The following COL24A1 variants were observed in gnomAD, a reference collection of about 807,000 sequenced individuals.
COL24A1 encodes the protein collagen type XXIV alpha 1 chain, also known as collagen alpha-1(XXIV) chain.
COL24A1 carries 224 observed loss-of-function variants against 253.9 expected under a neutral mutation model. The observed-to-expected ratio is 0.88, with a 90% CI of 0.79 to 0.99. COL24A1 has a LOEUF of 0.99. Among genes scored for constraint, COL24A1 ranks in the 50% least tolerant of loss-of-function variants. COL24A1 has a pLI of 0.00. For missense variants in COL24A1, 2,131 were observed against 2,068.5 expected, an observed-to-expected ratio of 1.03 and a Z score of -0.59; for synonymous variants, 685 against 673.7, an observed-to-expected ratio of 1.02 and a Z score of -0.26.
intron 22 of COL24A1, among the ~76,000 whole-genome samples, chr1:85,969,369 C>T (rs925532721): frequency 6.6e-6 from 1 of 151,856 alleles, no homozygotes; most frequent in Non-Finnish European, 1.5e-5. Flanking sequence ...CTTTGGGAGG[C>T]CGAGGTGGGT....
At chr1:85,736,289 G>A in intron 58 of COL24A1, 2 of 456,240 alleles carry the variant, frequency 4.4e-6, no homozygotes, top group South Asian at 1.5e-5. Flanking sequence ...CTTGGGTTGA[G>A]TTTATGAATC....
intron 57 of COL24A1, among the ~76,000 whole-genome samples, chr1:85,738,202 A>C (rs138599482): frequency 2.6e-5 from 4 of 152,342 alleles, no homozygotes; most frequent in African/African-American, 9.6e-5. Flanking sequence ...TATTTCTGTT[A>C]TACATCATTA....
chr1:86,080,455 C>T (rs888368597), intron 7 of COL24A1, among the ~76,000 whole-genome samples: 3 of 152,064 alleles, frequency 2.0e-5, no homozygotes, highest in Non-Finnish European at 4.4e-5. Context: ...TTGTAACACA[C>T]AGGATAAATG....
intron 2 of COL24A1, among the ~76,000 whole-genome samples, chr1:86,142,744 G>A (rs995836994): frequency 2.6e-5 from 4 of 151,866 alleles, no homozygotes; most frequent in Non-Finnish European, 5.9e-5. Context: ...AAATATATCA[G>A]GAAGAAAAAC....
At chr1:86,079,185 C>T (rs1200675440) in intron 7 of COL24A1, among the ~76,000 whole-genome samples, 1 of 151,978 alleles carries the variant, frequency 6.6e-6, no homozygotes, top group East Asian at 1.9e-4. Context: ...GACAAAGTTG[C>T]CAAGAACAGA....
intron 19 of COL24A1, among the ~76,000 whole-genome samples, chr1:86,009,036 G>C (rs958212947): frequency 1.3e-5 from 2 of 152,088 alleles, no homozygotes; most frequent in East Asian, 3.9e-4. Context: ...AATATCCCAG[G>C]GCTCTCTTAA....
intron 20 of COL24A1, 149 bp downstream of exon 20, chr1:85,987,452 T>C (rs536290155): frequency 4.3e-4 from 312 of 718,362 alleles, no homozygotes; most frequent in Admixed American, 6.3e-4. Flanking sequence ...TGCAACTATC[T>C]GAAACCTAAA....
intron 19 of COL24A1, among the ~76,000 whole-genome samples, chr1:85,997,055 G>GTATATATATATATATA (rs59071699): frequency 5.3e-4 from 50 of 95,044 alleles, no homozygotes; most frequent in African/African-American, 9.1e-4. Context: ...GTGTGTGTGT[G>GTATATATATATATATA]TATATATATA....
intron 18 of COL24A1, among the ~76,000 whole-genome samples, chr1:86,017,450 C>T (rs1298438696): frequency 1.3e-5 from 2 of 152,072 alleles, no homozygotes; most frequent in Admixed American, 1.3e-4. Context: ...GAGTCAAGTG[C>T]TCAAATCAAG....
Position 85,780,367 on chromosome 1 carries a change from C to T in COL24A1, c.4338+853G>A, listed in dbSNP as rs189437591. On this transcript the variant is annotated intron_variant, in intron 52 of 59. Transcript: ENST00000370571. Reference sequence around the variant, plus strand: ...GAATGAATCTTTCCTCTCTAAGTCTCAATTTGACCCTTTCTACTGTGCTCC... The same window carrying T: ...GAATGAATCTTTCCTCTCTAAGTCTTAATTTGACCCTTTCTACTGTGCTCC... 3.9e-5 allele frequency among the ~76,000 whole-genome samples: 6 copies of T among 152,026 alleles called. No individual in the cohort carries two copies. In the South Asian group the frequency reaches 1.0e-3, roughly 26 times the overall value.
intron 51 of COL24A1, among the ~76,000 whole-genome samples, chr1:85,783,189 A>G (rs1669308727): frequency 6.6e-6 from 1 of 151,614 alleles, no homozygotes; most frequent in Non-Finnish European, 1.5e-5. Context: ...AATGCTTATA[A>G]CGTGAAATTG....
At position 85,784,289 on chromosome 1, in the gene COL24A1, TG is replaced by T. The variant is rs1345540102; in HGVS notation, c.4136del (p.Pro1379HisfsTer7). 1.9e-6 allele frequency: 3 copies of T among 1,614,096 alleles called. No homozygotes were observed. The Admixed American group carries it at 5.0e-5, about 27-fold the overall frequency. On this transcript the variant is annotated frameshift_variant, in exon 49 of 60. Coordinates refer to ENST00000370571, the MANE Select transcript of COL24A1 (RefSeq NM_152890.7). LOFTEE classifies it high-confidence loss of function. The part of the protein sequence containing the change: ...GHRGAQGDQG[P>X]CGDPGLKGQP... ...GCCCTTTCAGGCCAGGGTCTCCACA[TG>T]GTCCTTGATCACCTTGTGCTCCTCG...
rs762416316 is a variant in COL24A1, at chr1:85,818,035, G to GGA, written c.3840_3841dup (p.Pro1281LeufsTer58). 5.6e-6 allele frequency: 9 copies of GGA among 1,613,270 alleles called. No homozygotes were observed. The East Asian group carries it at 2.0e-4, about 36-fold the overall frequency. Reference sequence around the variant, plus strand: ...AGATGAAAGAGGCCTGTTACTTACAGGAATCCCAGGTTTCCCAGAAGGACC... The same window carrying GGA: ...AGATGAAAGAGGCCTGTTACTTACAGGAGAATCCCAGGTTTCCCAGAAGGACC... On this transcript the variant is annotated frameshift_variant and splice_region_variant, in exon 46 of 60. Coordinates refer to ENST00000370571, the MANE Select transcript of COL24A1 (RefSeq NM_152890.7). LOFTEE classifies it high-confidence loss of function.
chr1:86,056,054 G>C (rs1049127527), intron 10 of COL24A1, among the ~76,000 whole-genome samples: 2 of 150,600 alleles, frequency 1.3e-5, no homozygotes, highest in Non-Finnish European at 3.0e-5. Context: ...GGAGGTGGAG[G>C]TTGCAGTGAG....
chr1:85,965,366 G>A (rs569945513), intron 22 of COL24A1, among the ~76,000 whole-genome samples: 1 of 151,928 alleles, frequency 6.6e-6, no homozygotes, highest in African/African-American at 2.4e-5. Context: ...TATATAGTAT[G>A]TTAGGCAGTG....
chr1:86,052,525 T>C (rs1271766758), intron 10 of COL24A1, among the ~76,000 whole-genome samples: 2 of 152,070 alleles, frequency 1.3e-5, no homozygotes, highest in African/African-American at 2.4e-5. Flanking sequence ...GATGTACTTA[T>C]AGTAGTCAAA....
At chr1:85,893,622 G>A (rs1683359498) in intron 31 of COL24A1, among the ~76,000 whole-genome samples, 1 of 152,024 alleles carries the variant, frequency 6.6e-6, no homozygotes, top group African/African-American at 2.4e-5. Context: ...TGTATGGGAG[G>A]CAAGTATTGT....
At chr1:85,955,495 G>T (rs1690351749) in intron 24 of COL24A1, among the ~76,000 whole-genome samples, 2 of 152,216 alleles carry the variant, frequency 1.3e-5, no homozygotes, top group South Asian at 4.1e-4. Context: ...TGTAACACAT[G>T]CCCACTGGGG....
At chr1:85,989,154 A>C (rs1438912905) in intron 19 of COL24A1, among the ~76,000 whole-genome samples, 1 of 151,982 alleles carries the variant, frequency 6.6e-6, no homozygotes, top group East Asian at 1.9e-4. Context: ...TTGAATCAAG[A>C]CACTTCTAGC....
Sources: allele counts gnomAD v4.1 joint callset (sites outside exome capture counted in the v4.1 genomes callset), GRCh38; gene constraint gnomAD v4.1.1; transcripts MANE v1.5; gene names NCBI Gene and HGNC (gene_info 2026-07-23, HGNC 2026-07-21).